ZMIZ1: variants seen among roughly 807,000 people sequenced by gnomAD.
ZMIZ1 encodes zinc finger MIZ domain-containing protein 1.
ZMIZ1 carries 17 observed loss-of-function variants against 113.9 expected under a neutral mutation model. That is an observed-to-expected ratio of 0.15 (90% CI 0.10 to 0.22). The LOEUF (loss-of-function observed/expected upper bound fraction) is 0.22, where lower values mean the gene tolerates loss of function less well. Among genes scored for constraint, ZMIZ1 ranks in the 10% least tolerant of loss-of-function variants. The pLI, the probability that ZMIZ1 is intolerant of heterozygous loss-of-function variation, is 1.00. For synonymous variants in ZMIZ1, 607 were observed against 603.1 expected, an observed-to-expected ratio of 1.01 and a Z score of -0.09; for missense variants, 1,059 against 1,477.8, an observed-to-expected ratio of 0.72 and a Z score of 4.65.
chr10:79,215,885 G>A (rs369380094), intron 6 of ZMIZ1, among the ~76,000 whole-genome samples: 6 of 152,098 alleles, frequency 3.9e-5, no homozygotes, highest in South Asian at 2.1e-4. Context: ...AAATGTGGTC[G>A]AATCTGAGCC....
intron 1 of ZMIZ1, among the ~76,000 whole-genome samples, chr10:79,097,444 G>A (rs950568118): frequency 2.0e-5 from 3 of 152,226 alleles, no homozygotes; most frequent in Non-Finnish European, 2.9e-5. Context: ...AGGTTCTTCC[G>A]CCTAGGGTCA....
intron 3 of ZMIZ1, among the ~76,000 whole-genome samples, chr10:79,154,880 A>G (rs1357494147): frequency 1.3e-5 from 2 of 151,450 alleles, no homozygotes; most frequent in East Asian, 2.0e-4. Context: ...CAGGACCCCA[A>G]GTCTACACTG....
At chr10:79,285,571 G>A (rs751293528) in intron 8 of ZMIZ1, 49 of 455,960 alleles carry the variant, frequency 1.1e-4, no homozygotes, top group Admixed American at 7.0e-5. Flanking sequence ...GTAGGTGGTC[G>A]GTCATCAGGC....
intron 7 of ZMIZ1, among the ~76,000 whole-genome samples, chr10:79,252,580 A>G (rs775472663): frequency 2.6e-5 from 4 of 151,896 alleles, no homozygotes; most frequent in Non-Finnish European, 5.9e-5. Context: ...CTTTCACCCT[A>G]CCCAAGTGAT....
chr10:79,076,266 G>C (rs1353897285), intron 1 of ZMIZ1, among the ~76,000 whole-genome samples: 1 of 152,192 alleles, frequency 6.6e-6, no homozygotes, highest in African/African-American at 2.4e-5. Flanking sequence ...AACATGTATT[G>C]AGTGTGTGCT....
intron 1 of ZMIZ1, among the ~76,000 whole-genome samples, chr10:79,074,400 C>CG (rs1842402470): frequency 1.3e-5 from 2 of 152,152 alleles, no homozygotes; most frequent in Non-Finnish European, 2.9e-5. Context: ...TGTCTTCCCC[C>CG]TCCCATATGG....
intron 4 of ZMIZ1, among the ~76,000 whole-genome samples, chr10:79,174,543 G>T (rs79106235): frequency 6.6e-6 from 1 of 152,192 alleles, no homozygotes; most frequent in African/African-American, 2.4e-5. Flanking sequence ...AGAGGACAGA[G>T]ACCAAACACT....
Position 79,251,983 on chromosome 10 carries a change from A to G in ZMIZ1, c.281-25198A>G, listed in dbSNP as rs373286820. Reference sequence around the variant, plus strand: ...CTCGGGCAATGGGTCTCCCAGGAGCAGCATCAGGACAGGGGAGGGAGTAAG... The same window carrying G: ...CTCGGGCAATGGGTCTCCCAGGAGCGGCATCAGGACAGGGGAGGGAGTAAG... On this transcript the variant is annotated intron_variant, in intron 7 of 24. Coordinates refer to ENST00000334512, the MANE Select transcript of ZMIZ1 (RefSeq NM_020338.4). Among the ~76,000 whole-genome samples, 34 of 152,276 alleles carry G rather than the reference A, an allele frequency of 2.2e-4. No individual in the cohort carries two copies. In the East Asian group the frequency reaches 3.5e-3, roughly 16 times the overall value.
intron 16 of ZMIZ1, 76 bp from the exon 17 acceptor site, chr10:79,300,656 G>C (rs981150097): frequency 1.5e-4 from 223 of 1,510,234 alleles, no homozygotes; most frequent in Non-Finnish European, 1.9e-4. Flanking sequence ...AGAGGTGTGT[G>C]ACCTGGCTCG....
At chr10:79,218,584 G>GGGGTGTGTGTGTGTGTGT (rs1554818328) in intron 7 of ZMIZ1, among the ~76,000 whole-genome samples, 1 of 147,792 alleles carries the variant, frequency 6.8e-6, no homozygotes, top group African/African-American at 2.6e-5. Context: ...TAATTAGAGG[G>GGGGTGTGTGTGTGTGTGT]GTGTGTGTGT....
chr10:79,275,831 C>T (rs779291108), intron 7 of ZMIZ1, among the ~76,000 whole-genome samples: 15 of 152,084 alleles, frequency 9.9e-5, no homozygotes, highest in East Asian at 1.9e-4. Flanking sequence ...ACTGGGCCCC[C>T]GTCTACTCAT....
intron 1 of ZMIZ1, among the ~76,000 whole-genome samples, chr10:79,076,661 G>A (rs761440682): frequency 1.4e-4 from 21 of 152,098 alleles, no homozygotes; most frequent in African/African-American, 4.3e-4. Context: ...TAGTGAAACC[G>A]CATCTCTGCT....
chr10:79,152,775 A>C (rs1358444973), intron 3 of ZMIZ1, among the ~76,000 whole-genome samples: 2 of 152,236 alleles, frequency 1.3e-5, no homozygotes, highest in South Asian at 2.1e-4. Flanking sequence ...GATGGGGCTA[A>C]CACCACCCAC....
Position 79,107,511 on chromosome 10 carries a change from G to A in ZMIZ1, c.-336-11404G>A, listed in dbSNP as rs576720393. 6.6e-5 allele frequency among the ~76,000 whole-genome samples: 10 copies of A among 152,356 alleles called. No homozygotes were observed. In the South Asian group the frequency reaches 1.7e-3, roughly 25 times the overall value. On this transcript the variant is annotated intron_variant, in intron 1 of 24. Transcript: ENST00000334512. ...GGTGGATTGATCAGAGTTGCTCACAGTCTGGTGAATGTGAGGTGGGAGGCA... is the reference window on the plus strand; with the variant it reads ...GGTGGATTGATCAGAGTTGCTCACAATCTGGTGAATGTGAGGTGGGAGGCA...
chr10:79,092,097 C>T (rs1261441342), intron 1 of ZMIZ1, among the ~76,000 whole-genome samples: 1 of 152,136 alleles, frequency 6.6e-6, no homozygotes, highest in Non-Finnish European at 1.5e-5. Flanking sequence ...GCAGCTGGGG[C>T]TTCTGAAGAT....
intron 1 of ZMIZ1, among the ~76,000 whole-genome samples, chr10:79,082,908 T>G (rs1842703626): frequency 6.6e-6 from 1 of 152,204 alleles, no homozygotes; most frequent in African/African-American, 2.4e-5. Context: ...CCCAGCACTC[T>G]GGCCCTGGGG....
intron 4 of ZMIZ1, among the ~76,000 whole-genome samples, chr10:79,168,712 G>A (rs949664117): frequency 1.3e-5 from 2 of 152,222 alleles, no homozygotes; most frequent in Non-Finnish European, 2.9e-5. Context: ...CACGCTCTCA[G>A]CCCTGCTCCC....
chr10:79,207,190 G>A (rs539232837), intron 5 of ZMIZ1, among the ~76,000 whole-genome samples: 2 of 152,198 alleles, frequency 1.3e-5, no homozygotes, highest in East Asian at 1.9e-4. Flanking sequence ...GCTGCAGGTC[G>A]AATGGAGGGA....
At chr10:79,110,760 G>A (rs1843709705) in intron 1 of ZMIZ1, among the ~76,000 whole-genome samples, 1 of 152,246 alleles carries the variant, frequency 6.6e-6, no homozygotes, top group Non-Finnish European at 1.5e-5. Context: ...GCCTGAGCCA[G>A]GTGAGGACTG....
Sources: gnomAD v4.1 joint callset for allele counts (sites outside exome capture counted in the v4.1 genomes callset) on GRCh38, gnomAD v4.1.1 for gene constraint, MANE v1.5 for transcripts, NCBI Gene and HGNC (gene_info 2026-07-23, HGNC 2026-07-21) for gene names.